The following FOSL2 variants were observed in gnomAD, a reference collection of about 807,000 sequenced individuals.
The protein encoded by FOSL2 is FOS like 2, AP-1 transcription factor subunit.
A neutral mutation model predicts 27.7 loss-of-function variants in FOSL2; 3 were observed. That is an observed-to-expected ratio of 0.11 (90% CI 0.05 to 0.28). FOSL2 has a LOEUF of 0.28. Ranked by LOEUF, FOSL2 falls within the 10% of genes least tolerant of loss-of-function variation. The pLI is 1.00. For missense variants in FOSL2, 333 were observed against 445.1 expected (o/e 0.75, Z 2.27); for synonymous variants, 179 against 190.1 (o/e 0.94, Z 0.48).
At position 28,394,205 on chromosome 2, in the gene FOSL2, C is replaced by A. The variant is rs867300817; in HGVS notation, c.102+383C>A. On this transcript the variant is annotated intron_variant, in intron 1 of 3. Transcript: ENST00000264716. ...GTGGACAGACAAGAAAATCTTTGCA[C>A]CCACTGGCACCTCTCGACATCCTGG... Among the ~76,000 whole-genome samples, 6 of 150,170 alleles carry A rather than the reference C, an allele frequency of 4.0e-5. No homozygotes were observed. In the South Asian group the frequency reaches 6.4e-4, roughly 16 times the overall value.
rs1553376540 is a variant in FOSL2, at chr2:28,396,807, C to CACACACACACACACAA, written c.102+3000_102+3001insAACACACACACACACA. On this transcript the variant is annotated intron_variant, in intron 1 of 3. Coordinates refer to ENST00000264716, the MANE Select transcript of FOSL2 (RefSeq NM_005253.4). ...TTCCCAAGACACACACACACACACACACACACACACACACACACACACACA... is the reference window on the plus strand; with the variant it reads ...TTCCCAAGACACACACACACACACACACACACACACACACAAACACACACACACACACACACACACA... 440 of 149,604 alleles carry CACACACACACACACAA rather than the reference C, an allele frequency of 2.9e-3. 4 individuals carry two copies. The highest frequency in any genetic ancestry group is 0.01 in the African/African-American group (405 of 40,046). 9.3% of individuals were successfully genotyped at this position (149,604 alleles called of 1,614,324 possible). A position where few individuals can be genotyped will look rare whatever the true frequency, so the allele number is the denominator to read the frequency against.
rs1307528337 is a variant in FOSL2 at position 28,408,606 on chromosome 2, T to G, written c.355-153T>G. 6.6e-6 allele frequency among the ~76,000 whole-genome samples: 1 copy of G among 152,242 alleles called. No homozygotes were observed. Among genetic ancestry groups the G allele is most frequent in the Non-Finnish European group, 1.5e-5 (1 of 68,036 alleles). On this transcript the variant is annotated intron_variant, in intron 2 of 3. Coordinates refer to ENST00000264716, the MANE Select transcript of FOSL2 (RefSeq NM_005253.4). The surrounding 1 kb of genome is among the most constrained non-coding windows in gnomAD (Gnocchi z 4.1). The stretch of plus-strand genomic sequence containing the variant: ...CCAGACATCAGGGATCCACATGTTC[T>G]GGGGCCTCTGAGTCCAGCCATGCTC...
At chr2:28,411,668 C>T (rs1664200901) in intron 3 of FOSL2, among the ~76,000 whole-genome samples, 2 of 152,234 alleles carry the variant, frequency 1.3e-5, no homozygotes, top group African/African-American at 4.8e-5. Context: ...ATGCTTAACA[C>T]TGTGCCCTGC....
intron 1 of FOSL2, among the ~76,000 whole-genome samples, chr2:28,398,377 A>G (rs1190245134): frequency 2.6e-5 from 4 of 152,128 alleles, no homozygotes; most frequent in Non-Finnish European, 4.4e-5. Flanking sequence ...GTCCCGTGGC[A>G]GTGAGACTTT....
In FOSL2 at chr2:28,411,961, G is replaced by T; in HGVS notation, c.494G>T (p.Gly165Val). Residue 165 changes from glycine to valine, a missense_variant, in exon 4 of 4, where the codon GGC becomes GTC. Gly to Val is a moderately radical substitution (Grantham distance 109, BLOSUM62 -3). Transcript: ENST00000264716. ...ETEELEEEKS[G>V]LQKEIAELQK... ...GAGGAGCTGGAGGAGGAGAAGTCAG[G>T]CCTGCAGAAGGAGATTGCTGAGCTG... The T allele has an allele frequency of 6.2e-7, 1 of 1,614,174 alleles. No individual in the cohort carries two copies. The highest frequency in any genetic ancestry group is 8.5e-7 in the Non-Finnish European group (1 of 1,180,038).
Position 28,404,088 on chromosome 2 carries a change from T to C in FOSL2, c.103-19T>C, listed in dbSNP as rs1408760379. On this transcript the variant is annotated intron_variant, in intron 1 of 3. Coordinates refer to ENST00000264716, the MANE Select transcript of FOSL2 (RefSeq NM_005253.4). The surrounding 1 kb of genome is among the most constrained non-coding windows in gnomAD (Gnocchi z 4.7). ...CTTAGTATTTATTGGCTCATTTGTA[T>C]TTTTTTTCCTCATTTCAGAAATTCC... The C allele has an allele frequency of 6.2e-7, 1 of 1,610,350 alleles. No homozygotes were observed. Among genetic ancestry groups the C allele is most frequent in the South Asian group, 1.1e-5 (1 of 90,716 alleles).
chr2:28,409,519 C>A (rs1480309446), intron 3 of FOSL2, among the ~76,000 whole-genome samples: 1 of 152,136 alleles, frequency 6.6e-6, no homozygotes, highest in Non-Finnish European at 1.5e-5. Context: ...CGCAGCCCTG[C>A]CCTTCCCTCT....
intron 3 of FOSL2, among the ~76,000 whole-genome samples, chr2:28,411,352 T>C (rs1664194411): frequency 6.6e-6 from 1 of 151,906 alleles, no homozygotes; most frequent in Non-Finnish European, 1.5e-5. Context: ...TGGCATGGGG[T>C]TGGGGAGTAA....
chr2:28,399,989 T>TGGG (rs1316544067), intron 1 of FOSL2, among the ~76,000 whole-genome samples: 1 of 152,148 alleles, frequency 6.6e-6, no homozygotes, highest in African/African-American at 2.4e-5. Flanking sequence ...AGGAGGTGGA[T>TGGG]GGGGACCACT....
rs1380260563 is a variant in FOSL2, at chr2:28,393,199, G to T, written c.-522G>T. 1.2e-5 allele frequency: 3 copies of T among 256,088 alleles called. No individual in the cohort carries two copies. The highest frequency in any genetic ancestry group is 1.8e-4 in the South Asian group (2 of 11,146). 15.9% of individuals were successfully genotyped at this position (256,088 alleles called of 1,614,324 possible). A position where few individuals can be genotyped will look rare whatever the true frequency, so the allele number is the denominator to read the frequency against. On this transcript the variant is annotated 5_prime_UTR_variant, in exon 1 of 4. Coordinates refer to ENST00000264716, the MANE Select transcript of FOSL2 (RefSeq NM_005253.4). This position sits in a 1 kb window ranked among gnomAD's most constrained non-coding sequence, Gnocchi z 4.6. ...GAAACTCGGGCGGCGAGTCGGCCACGGGAAGTTTATTCTCCGGCTCCTTTT... is the reference window on the plus strand; with the variant it reads ...GAAACTCGGGCGGCGAGTCGGCCACTGGAAGTTTATTCTCCGGCTCCTTTT...
chr2:28,396,242 C>G (rs1026823813), intron 1 of FOSL2, among the ~76,000 whole-genome samples: 1 of 151,320 alleles, frequency 6.6e-6, no homozygotes, highest in Non-Finnish European at 1.5e-5. Flanking sequence ...TCTCTAGCTT[C>G]ATGAAGCTGG....
rs1663700133 is a variant in FOSL2, at chr2:28,392,871, T to G, written c.-850T>G. ...ACTCGTGCCATTGTAGTGACTCATC[T>G]CGGGCAGAGCGCTAGGGCTCCGAGC... On this transcript the variant is annotated 5_prime_UTR_variant, in exon 1 of 4. Transcript: ENST00000264716. The G allele has an allele frequency of 1.4e-6, 1 of 715,404 alleles. No homozygotes were observed. The highest frequency in any genetic ancestry group is 1.8e-5 in the African/African-American group (1 of 57,084). 44.3% of individuals were successfully genotyped at this position (715,404 alleles called of 1,614,324 possible).
At position 28,417,226 on chromosome 2, in the gene FOSL2, C is replaced by T. The variant is rs1200343167; in HGVS notation, c.*4778C>T. On this transcript the variant is annotated 3_prime_UTR_variant, in exon 4 of 4. Transcript: ENST00000264716. ...AGAAAGAACATATTAAAACTTCTTT[C>T]CCTTGCGATTTTTTTGGGGGAGGGG... 6.6e-6 allele frequency: 1 copy of T among 151,856 alleles called. No individual in the cohort carries two copies. The highest frequency in any genetic ancestry group is 1.5e-5 in the Non-Finnish European group (1 of 67,974). 9.4% of individuals were successfully genotyped at this position (151,856 alleles called of 1,614,324 possible). A position where few individuals can be genotyped will look rare whatever the true frequency, so the allele number is the denominator to read the frequency against.
rs1247325690 is a variant in FOSL2 at position 28,408,018 on chromosome 2, A to T, written c.355-741A>T. Among the ~76,000 whole-genome samples, 1 of 152,206 alleles carries T rather than the reference A, an allele frequency of 6.6e-6. No homozygotes were observed. The highest frequency in any genetic ancestry group is 1.5e-5 in the Non-Finnish European group (1 of 68,034). ...ATCTTGCACATGGAACCAGGTGCTC[A>T]CTTGTTGAGTGGACAGATATGGTGG... On this transcript the variant is annotated intron_variant, in intron 2 of 3. Transcript: ENST00000264716. This position sits in a 1 kb window ranked among gnomAD's most constrained non-coding sequence, Gnocchi z 4.1.
intron 1 of FOSL2, among the ~76,000 whole-genome samples, chr2:28,400,048 A>T (rs1648660341): frequency 6.6e-6 from 1 of 152,160 alleles, no homozygotes; most frequent in South Asian, 2.1e-4. Context: ...ACAGGGTGAC[A>T]CAGTGAAATA....
Position 28,404,220 on chromosome 2 carries a change from G to A in FOSL2, c.216G>A (p.Met72Ile), listed in dbSNP as rs761856803. ...TGCAGCCCACAGTGATCACCTCCAT[G>A]TCCAACCCATACCCTCGCTCGCACC... The part of the protein sequence containing the change: ...WMVQPTVITS[M>I]SNPYPRSHPY... Residue 72 changes from methionine (M) to isoleucine (I), a missense_variant, in exon 2 of 4, where the codon ATG (methionine) becomes ATA (isoleucine). By Grantham distance (10) the Met-to-Ile change is conservative. Around this residue, in one of 4 missense-constraint regions of FOSL2, gnomAD observed 131 missense variants for 157.9 expected, o/e 0.83. Transcript: ENST00000264716. This position sits in a 1 kb window ranked among gnomAD's most constrained non-coding sequence, Gnocchi z 4.7. The A allele has an allele frequency of 3.7e-6, 6 of 1,614,048 alleles. No individual in the cohort carries two copies. In the Admixed American group the frequency reaches 1.0e-4, roughly 27 times the overall value.
intron 2 of FOSL2, among the ~76,000 whole-genome samples, chr2:28,407,182 G>T (rs927508160): frequency 1.3e-5 from 2 of 152,198 alleles, no homozygotes; most frequent in Admixed American, 6.5e-5. Context: ...ATTAGCGAGG[G>T]ATCTAGGGGG....
rs1222265335 is a variant in FOSL2, at chr2:28,413,971, G to T, written c.*1523G>T. 1.3e-5 allele frequency: 5 copies of T among 397,054 alleles called. No individual in the cohort carries two copies. Among genetic ancestry groups the T allele is most frequent in the East Asian group, 1.1e-4 (3 of 28,060 alleles). The allele number at this position is 397,054 out of a possible 1,614,324, so 24.6% of individuals were successfully genotyped here. ...TGGCCTCCAGCAGGAGCACAGCTCAGCAGGGTCCCTGCTGCCCACCCCTCT... is the reference window on the plus strand; with the variant it reads ...TGGCCTCCAGCAGGAGCACAGCTCATCAGGGTCCCTGCTGCCCACCCCTCT... On this transcript the variant is annotated 3_prime_UTR_variant, in exon 4 of 4. Transcript: ENST00000264716.
At position 28,393,855 on chromosome 2, in the gene FOSL2, G is replaced by A; in HGVS notation, c.102+33G>A. 2.0e-6 allele frequency: 3 copies of A among 1,486,860 alleles called. No homozygotes were observed. The highest frequency in any genetic ancestry group is 1.8e-6 in the Non-Finnish European group (2 of 1,087,202). 92.1% of individuals were successfully genotyped at this position (1,486,860 alleles called of 1,614,324 possible). ...CGGGCCCCGGTGCACCTGGCGGCGC[G>A]GGCGGACCCCTGCCCTCTTCTCGCC... On this transcript the variant is annotated intron_variant, in intron 1 of 3. Transcript: ENST00000264716. This position sits in a 1 kb window ranked among gnomAD's most constrained non-coding sequence, Gnocchi z 4.6.
Sources: gnomAD v4.1 joint callset for allele counts (sites outside exome capture counted in the v4.1 genomes callset) on GRCh38, gnomAD v4.1.1 for gene constraint, gnomAD v4.1.1 regional missense constraint, Gnocchi (gnomAD v3.1) non-coding constraint, MANE v1.5 for transcripts, NCBI Gene and HGNC (gene_info 2026-07-23, HGNC 2026-07-21) for gene names.